KDR: variants seen among roughly 807,000 people sequenced by gnomAD.
The protein encoded by KDR is kinase insert domain receptor, also known as vascular endothelial growth factor receptor 2.
In KDR, 43 loss-of-function variants were observed where a neutral mutation model predicts 160.9. That is an observed-to-expected ratio of 0.27 (90% CI 0.21 to 0.34). The LOEUF is 0.34. KDR is among the 10% of genes least tolerant of loss of function. KDR has a pLI of 1.00. For missense variants in KDR, 1,469 were observed against 1,666.4 expected (o/e 0.88, Z 2.06); for synonymous variants, 617 against 600.1 (o/e 1.03, Z -0.41).
chr4:55,092,172 G>T (rs1248447120), intron 22 of KDR: 3 of 212,588 alleles, frequency 1.4e-5, no homozygotes, highest in Non-Finnish European at 2.9e-5. Flanking sequence ...CACACACAGA[G>T]AAGCATAAAC....
At position 55,121,138 on chromosome 4, in the gene KDR, T is replaced by C. The variant is rs1720863730; in HGVS notation, c.120A>G (p.Ile40Met). Residue 40 changes from isoleucine (I) to methionine (M), a missense_variant, in exon 2 of 30, where the codon ATA becomes ATG. This residue lies in a region of KDR where 792 missense variants were observed against 840.9 expected (regional missense o/e 0.94). Transcript: ENST00000263923. ...GAGTTGTATTAGCCTTAATTGTAAGTATGTCTTTTTGTATGCTGAGCCTGG... is the reference window on the plus strand; with the variant it reads ...GAGTTGTATTAGCCTTAATTGTAAGCATGTCTTTTTGTATGCTGAGCCTGG... Reference protein sequence around the residue: ...DLPRLSIQKDILTIKANTTLQ... With the variant: ...DLPRLSIQKDMLTIKANTTLQ... The C allele has an allele frequency of 6.2e-7, 1 of 1,613,588 alleles. No homozygotes were observed. Among genetic ancestry groups the C allele is most frequent in the South Asian group, 1.1e-5 (1 of 91,064 alleles).
intron 7 of KDR, among the ~76,000 whole-genome samples, chr4:55,112,403 A>C (rs892950211): frequency 4.6e-5 from 7 of 152,188 alleles, no homozygotes; most frequent in South Asian, 2.1e-4. Flanking sequence ...GGAAGAATAC[A>C]GTATATAATA....
chr4:55,110,271 A>ATGACTTTTGTAC, intron 9 of KDR, 132 bp downstream of exon 9: 1 of 939,064 alleles, frequency 1.1e-6, no homozygotes, highest in Non-Finnish European at 1.7e-6. Flanking sequence ...ACCACGCCAG[A>ATGACTTTTGTAC]TGACTTTTGT....
intron 11 of KDR, 115 bp downstream of exon 11, chr4:55,106,572 T>G (rs1241191347): frequency 3.3e-5 from 27 of 822,098 alleles, no homozygotes; most frequent in Non-Finnish European, 5.2e-5. Flanking sequence ...CTTAATACGC[T>G]CTATTTAATC....
In KDR at chr4:55,102,457, A is replaced by G; in HGVS notation, c.2039T>C (p.Ile680Thr). 6.2e-7 allele frequency: 1 copy of G among 1,613,762 alleles called. No homozygotes were observed. Among genetic ancestry groups the G allele is most frequent in the Non-Finnish European group, 8.5e-7 (1 of 1,179,744 alleles). The change falls in exon 14 of 30, where the codon ATT becomes ACT. Residue 680 changes from isoleucine (I) to threonine (T), a missense_variant. Ile to Thr is a moderately conservative substitution (Grantham distance 89). Transcript: ENST00000263923. ...GCATGAGACTTCGATGCTTTCCCCAATACTTGTCGTCTGATTCTCCAGGTT... is the reference window on the plus strand; with the variant it reads ...GCATGAGACTTCGATGCTTTCCCCAGTACTTGTCGTCTGATTCTCCAGGTT... Reference protein sequence around the residue: ...TGNLENQTTSIGESIEVSCTA... With the variant: ...TGNLENQTTSTGESIEVSCTA...
rs1195403759 is a variant in KDR at position 55,101,985 on chromosome 4, T to C, written c.2178A>G (p.Arg726=). The C allele has an allele frequency of 6.2e-7, 1 of 1,613,670 alleles. No homozygotes were observed. The highest frequency in any genetic ancestry group is 8.5e-7 in the Non-Finnish European group (1 of 1,179,710). The part of the protein sequence containing the change: ...KDGNRNLTIR[R]VRKEDEGLYT... Reference sequence around the variant, plus strand: ...AGAGGCCTTCGTCCTCCTTCCTCACTCTGCGGATAGTGAGGTTCCGGTTCC... The same window carrying C: ...AGAGGCCTTCGTCCTCCTTCCTCACCCTGCGGATAGTGAGGTTCCGGTTCC... The change falls in exon 15 of 30, where the codon AGA becomes AGG. Residue 726 remains arginine (R), a synonymous_variant. Transcript: ENST00000263923.
intron 21 of KDR, among the ~76,000 whole-genome samples, chr4:55,094,038 A>G (rs6811269): frequency 0.23 from 34,861 of 150,764 alleles, 4,252 homozygotes; most frequent in East Asian, 0.46. Context: ...CATCTTTACT[A>G]AAAATACAAA....
chr4:55,106,707 G>C lies in KDR; in HGVS notation c.1516C>G (p.Leu506Val), dbSNP rs1161202287. The C allele has an allele frequency of 6.3e-7, 1 of 1,576,924 alleles. No individual in the cohort carries two copies. Among genetic ancestry groups the C allele is most frequent in the Admixed American group, 1.7e-5 (1 of 59,902 alleles). The change falls in exon 11 of 30, where the codon CTA becomes GTA. Residue 506 changes from leucine (L) to valine (V), a missense_variant. Physicochemically the swap from Leu to Val is conservative, Grantham distance 32. Around this residue, in one of 7 missense-constraint regions of KDR, gnomAD observed 792 missense variants for 840.9 expected, o/e 0.94. Transcript: ENST00000263923. ...KIEVNKNQFA[L>V]IEGKNKTVST... Reference sequence around the variant, plus strand: ...CTCACTTTGTTTTTTCCTTCAATTAGAGCAAATTGATTTTTATTAACTTCA... The same window carrying C: ...CTCACTTTGTTTTTTCCTTCAATTACAGCAAATTGATTTTTATTAACTTCA...
chr4:55,089,231 C>T, intron 25 of KDR, 143 bp downstream of exon 25: 1 of 703,032 alleles, frequency 1.4e-6, no homozygotes, highest in South Asian at 1.7e-5. Flanking sequence ...TGACTCCATG[C>T]TTGAAATTAT....
intron 15 of KDR, among the ~76,000 whole-genome samples, chr4:55,100,285 T>C (rs1213962201): frequency 6.6e-6 from 1 of 152,188 alleles, no homozygotes; most frequent in Admixed American, 6.6e-5. Context: ...AAATTTTGTT[T>C]CTCTGGTGGT....
At chr4:55,110,601 A>G (rs1234541023) in intron 8 of KDR, 35 bp from the exon 9 acceptor site, 1 of 1,612,996 alleles carries the variant, frequency 6.2e-7, no homozygotes, top group Non-Finnish European at 8.5e-7. Context: ...TAGTATAGTC[A>G]AAGGATTTGC....
At chr4:55,108,816 C>T (rs564043168) in intron 9 of KDR, among the ~76,000 whole-genome samples, 7 of 151,752 alleles carry the variant, frequency 4.6e-5, no homozygotes, top group African/African-American at 1.7e-4. Context: ...AAAGTCAAAA[C>T]TATTTCCTTA....
intron 15 of KDR, 68 bp downstream of exon 15, chr4:55,101,829 G>T (rs1451518731): frequency 1.5e-6 from 2 of 1,343,354 alleles, no homozygotes; most frequent in Non-Finnish European, 2.1e-6. Context: ...GACATGATCA[G>T]ATTCCTTTTT....
chr4:55,103,211 T>C (rs1720359060), intron 13 of KDR, among the ~76,000 whole-genome samples: 1 of 152,186 alleles, frequency 6.6e-6, no homozygotes, highest in East Asian at 1.9e-4. Flanking sequence ...GAGTATTTGT[T>C]TAAGTGTACA....
intron 21 of KDR, among the ~76,000 whole-genome samples, chr4:55,093,474 T>C (rs1720070518): frequency 6.6e-6 from 1 of 152,216 alleles, no homozygotes; most frequent in African/African-American, 2.4e-5. Flanking sequence ...TTCGTAAGTA[T>C]TTAAAAGGCT....
At chr4:55,106,614 T>G (rs778962400) in intron 11 of KDR, 73 bp downstream of exon 11, 1 of 1,080,212 alleles carries the variant, frequency 9.3e-7, no homozygotes, top group Non-Finnish European at 1.4e-6. Context: ...ATCTCCAATA[T>G]GCCTCACATA....
intron 22 of KDR, chr4:55,092,358 C>A (rs1010340975): frequency 1.0e-5 from 5 of 476,592 alleles, no homozygotes; most frequent in Non-Finnish European, 1.5e-5. Context: ...GATTGTTCAC[C>A]ACAGTATCCT....
chr4:55,118,831 A>C (rs753727650), intron 2 of KDR, 31 bp from the exon 3 acceptor site: 1 of 1,561,962 alleles, frequency 6.4e-7, no homozygotes, highest in Non-Finnish European at 8.8e-7. Flanking sequence ...AGGTATTAAT[A>C]TGAAGTGCCA....
At position 55,104,947 on chromosome 4, in the gene KDR, G is replaced by A. The variant is rs770270876; in HGVS notation, c.1683C>T (p.Pro561=). The A allele has an allele frequency of 6.2e-7, 1 of 1,613,854 alleles. No homozygotes were observed. Among genetic ancestry groups the A allele is most frequent in the South Asian group, 1.1e-5 (1 of 91,078 alleles). ...ACAAAGACACGCTCTCCTGCTCAGT[G>A]GGCTGCATGTCAGGTTGCAAAGTAA... The part of the protein sequence containing the change: ...PEITLQPDMQ[P]TEQESVSLWC... The change falls in exon 13 of 30, where the codon CCC becomes CCT. Residue 561 remains proline (P), a synonymous_variant. Coordinates refer to ENST00000263923, the MANE Select transcript of KDR (RefSeq NM_002253.4).
Sources: allele counts gnomAD v4.1 joint callset (sites outside exome capture counted in the v4.1 genomes callset), GRCh38; gene constraint gnomAD v4.1.1; regional missense constraint gnomAD v4.1.1; transcripts MANE v1.5; gene names NCBI Gene and HGNC (gene_info 2026-07-23, HGNC 2026-07-21).